MGAT4C: variants seen among roughly 807,000 people sequenced by gnomAD.
The protein encoded by MGAT4C is MGAT4 family member C.
In MGAT4C, 19 loss-of-function variants were observed where a neutral mutation model predicts 40.1. That is an observed-to-expected ratio of 0.47 (90% CI 0.33 to 0.70). The LOEUF is 0.70. MGAT4C is among the 30% of genes least tolerant of loss of function. The probability of loss-of-function intolerance (pLI) is 0.02; values close to 1 mark genes in which losing one functional copy is unlikely to be tolerated. For missense variants in MGAT4C, 491 were observed against 563.2 expected, an observed-to-expected ratio of 0.87 and a Z score of 1.30; for synonymous variants, 181 against 187.1, an observed-to-expected ratio of 0.97 and a Z score of 0.27.
intron 1 of MGAT4C, among the ~76,000 whole-genome samples, chr12:86,145,840 C>G (rs1283140666): frequency 1.3e-5 from 2 of 152,156 alleles, no homozygotes; most frequent in South Asian, 2.1e-4. Context: ...GTATCCTTCA[C>G]TATAACAAAG....
At chr12:86,814,015 A>T (rs1017834891) in intron 1 of MGAT4C, among the ~76,000 whole-genome samples, 3 of 151,688 alleles carry the variant, frequency 2.0e-5, no homozygotes, top group Admixed American at 6.6e-5. Flanking sequence ...GGTTCAAGCA[A>T]TTCTCCTGCC....
At chr12:86,144,510 C>T (rs1883260972) in intron 1 of MGAT4C, among the ~76,000 whole-genome samples, 1 of 152,156 alleles carries the variant, frequency 6.6e-6, no homozygotes. Context: ...TTATACATTA[C>T]ATTTCATCAC....
At chr12:86,212,891 CAAAAAAAAAAAAAAAA>C (rs71076172) in intron 1 of MGAT4C, among the ~76,000 whole-genome samples, 2 of 22,514 alleles carry the variant, frequency 8.9e-5, no homozygotes, top group African/African-American at 3.8e-4. Context: ...GACTCCGTCT[CAAAAAAAAAAAAAAAA>C]AAAAAAAAAA....
At chr12:86,511,692 A>G (rs550343665) in intron 2 of MGAT4C, among the ~76,000 whole-genome samples, 2 of 152,018 alleles carry the variant, frequency 1.3e-5, no homozygotes, top group South Asian at 4.1e-4. Flanking sequence ...AAAACTGGAT[A>G]TCCATATGGA....
At chr12:86,327,247 A>C (rs955763918) in intron 4 of MGAT4C, among the ~76,000 whole-genome samples, 1 of 152,176 alleles carries the variant, frequency 6.6e-6, no homozygotes, top group African/African-American at 2.4e-5. Flanking sequence ...CTGAGGCAAA[A>C]GGAAAAATCA....
chr12:86,016,364 T>G (rs1288927979), intron 2 of MGAT4C: 1 of 152,236 alleles, frequency 6.6e-6, no homozygotes, highest in Admixed American at 6.5e-5. Context: ...TTGCCAGGAC[T>G]TGGACTTGTT....
chr12:86,343,914 G>A (rs572244962), intron 3 of MGAT4C, among the ~76,000 whole-genome samples: 7 of 151,778 alleles, frequency 4.6e-5, no homozygotes, highest in Non-Finnish European at 1.0e-4. Flanking sequence ...ATGAGTGCAC[G>A]CCTGCTGTTT....
At chr12:86,153,284 C>T (rs966422924) in intron 1 of MGAT4C, among the ~76,000 whole-genome samples, 1 of 152,102 alleles carries the variant, frequency 6.6e-6, no homozygotes, top group African/African-American at 2.4e-5. Context: ...AAAAAACCTA[C>T]CCTCAAATGA....
In MGAT4C at chr12:85,973,442, A is replaced by C. The variant is rs1883730503; in HGVS notation, c.*5847T>G. ...ATTGAAATTATAGACTAAGGTTCTG[A>C]ATATTGGTAACTCACTGTTGTTGTG... On this transcript the variant is annotated 3_prime_UTR_variant, in exon 5 of 5. Transcript: ENST00000611864. The C allele has an allele frequency of 6.6e-6, 1 of 150,874 alleles. No individual in the cohort carries two copies. Among genetic ancestry groups the C allele is most frequent in the Non-Finnish European group, 1.5e-5 (1 of 67,072 alleles). 9.3% of individuals were successfully genotyped at this position (150,874 alleles called of 1,614,324 possible). A position where few individuals can be genotyped will look rare whatever the true frequency, so the allele number is the denominator to read the frequency against.
intron 2 of MGAT4C, among the ~76,000 whole-genome samples, chr12:86,569,005 A>T (rs577913600): frequency 6.6e-6 from 1 of 152,018 alleles, no homozygotes; most frequent in African/African-American, 2.4e-5. Context: ...AAATATGTAC[A>T]TGAATAAATT....
chr12:86,449,245 T>A (rs1027435195), intron 2 of MGAT4C, among the ~76,000 whole-genome samples: 1 of 152,190 alleles, frequency 6.6e-6, no homozygotes, highest in Non-Finnish European at 1.5e-5. Flanking sequence ...TGGAGTTTTT[T>A]AAGAAAGCAT....
intron 2 of MGAT4C, among the ~76,000 whole-genome samples, chr12:86,502,651 C>CTGCTCATATATATAT (rs1958370991): frequency 7.1e-6 from 1 of 140,730 alleles, no homozygotes; most frequent in African/African-American, 2.6e-5. Flanking sequence ...CATATATATA[C>CTGCTCATATATATAT]ATGATTTCTG....
At chr12:86,177,946 C>T (rs184602078) in intron 1 of MGAT4C, among the ~76,000 whole-genome samples, 1 of 151,802 alleles carries the variant, frequency 6.6e-6, no homozygotes, top group African/African-American at 2.4e-5. Flanking sequence ...GTTGATTTTA[C>T]TTTTTTTTGA....
chr12:86,071,076 G>A (rs79096379), intron 1 of MGAT4C, among the ~76,000 whole-genome samples: 2 of 152,140 alleles, frequency 1.3e-5, no homozygotes, highest in African/African-American at 4.8e-5. Flanking sequence ...TACAGAGGTA[G>A]GCAATGGACA....
chr12:86,102,924 A>T (rs905361246), intron 1 of MGAT4C, among the ~76,000 whole-genome samples: 1 of 152,204 alleles, frequency 6.6e-6, no homozygotes, highest in Non-Finnish European at 1.5e-5. Flanking sequence ...AAGTTAGCAC[A>T]AATGTATCAG....
chr12:86,592,015 G>A (rs1377709454), intron 2 of MGAT4C, among the ~76,000 whole-genome samples: 2 of 152,016 alleles, frequency 1.3e-5, no homozygotes, highest in African/African-American at 4.8e-5. Context: ...CATTAAATAA[G>A]TGTACATATT....
At chr12:86,354,538 G>A (rs891035910) in intron 3 of MGAT4C, among the ~76,000 whole-genome samples, 1 of 151,918 alleles carries the variant, frequency 6.6e-6, no homozygotes, top group Non-Finnish European at 1.5e-5. Flanking sequence ...AAAAGAAATA[G>A]AAGTTATAAG....
intron 2 of MGAT4C, among the ~76,000 whole-genome samples, chr12:86,457,850 G>GT (rs923903445): frequency 6.6e-6 from 1 of 151,618 alleles, no homozygotes; most frequent in Non-Finnish European, 1.5e-5. Flanking sequence ...AAAATCACAA[G>GT]TTTTTTTTCT....
chr12:86,814,611 G>C (rs1437722731), intron 1 of MGAT4C, among the ~76,000 whole-genome samples: 1 of 151,262 alleles, frequency 6.6e-6, no homozygotes. Flanking sequence ...TTCTGAAATC[G>C]TTTCTATGGT....
Sources: gnomAD v4.1 joint callset for allele counts (sites outside exome capture counted in the v4.1 genomes callset) on GRCh38, gnomAD v4.1.1 for gene constraint, MANE v1.5 for transcripts, NCBI Gene and HGNC (gene_info 2026-07-23, HGNC 2026-07-21) for gene names.